TRPM4: variants seen among roughly 807,000 people sequenced by gnomAD.
TRPM4 encodes the protein calcium-activated non-selective cation channel 1.
A neutral mutation model predicts 135.6 loss-of-function variants in TRPM4; 124 were observed. That is an observed-to-expected ratio of 0.91 (90% CI 0.79 to 1.06). TRPM4 has a LOEUF of 1.06. Ranked by LOEUF, TRPM4 falls within the 50% of genes least tolerant of loss-of-function variation. TRPM4 has a pLI of 0.00. For missense variants in TRPM4, 1,658 were observed against 1,671.4 expected (o/e 0.99, Z 0.14); for synonymous variants, 745 against 705.6 (o/e 1.06, Z -0.88).
Position 49,171,318 on chromosome 19 carries a change from G to A in TRPM4, c.797-39G>A. 6.2e-7 allele frequency: 1 copy of A among 1,612,852 alleles called. No homozygotes were observed. The highest frequency in any genetic ancestry group is 8.5e-7 in the Non-Finnish European group (1 of 1,178,812). The stretch of plus-strand genomic sequence containing the variant: ...TTTTCTCCTATCTCCAGCAAAGGCT[G>A]ATGGGAGGTAATCAAGCCCCCTTCT... On this transcript the variant is annotated intron_variant, in intron 6 of 24. Coordinates refer to ENST00000252826, the MANE Select transcript of TRPM4 (RefSeq NM_017636.4). The surrounding 1 kb of genome is among the most constrained non-coding windows in gnomAD (Gnocchi z 4.7).
Position 49,188,781 on chromosome 19 carries a change from C to T in TRPM4, c.1873+11C>T, listed in dbSNP as rs1382348014. 3 of 1,613,882 alleles carry T rather than the reference C, an allele frequency of 1.9e-6. No homozygotes were observed. The highest frequency in any genetic ancestry group is 8.5e-7 in the Non-Finnish European group (1 of 1,179,898). ...AGGGGATGGGCGTTGGTGCGTGGGG[C>T]ACGGTGCCTGGGAGCAGGGACGGGG... On this transcript the variant is annotated intron_variant, in intron 13 of 24. Coordinates refer to ENST00000252826, the MANE Select transcript of TRPM4 (RefSeq NM_017636.4).
chr19:49,189,163 G>A (rs1968316218), intron 14 of TRPM4, 72 bp downstream of exon 14: 2 of 1,598,812 alleles, frequency 1.3e-6, no homozygotes, highest in Admixed American at 3.4e-5. Flanking sequence ...ATGAGCCCCT[G>A]CCATTGGGAA....
At chr19:49,165,120 G>T (rs1399564101) in intron 2 of TRPM4, among the ~76,000 whole-genome samples, 1 of 152,068 alleles carries the variant, frequency 6.6e-6, no homozygotes, top group African/African-American at 2.4e-5. Flanking sequence ...GAAAGCAAGA[G>T]AGACTTGTGC....
chr19:49,201,875 A>T, intron 19 of TRPM4, 89 bp from the exon 20 acceptor site: 1 of 1,394,718 alleles, frequency 7.2e-7, no homozygotes, highest in Non-Finnish European at 1.0e-6. Flanking sequence ...TGCTGGGATT[A>T]CAGGCGTGAG....
At position 49,210,141 on chromosome 19, in the gene TRPM4, T is replaced by G. The variant is rs1375498313; in HGVS notation, c.3132-68T>G. Reference sequence around the variant, plus strand: ...TAGACTGAACAATTATTGCCTGGCATCTAACCTTCGTCCTTGCCCCTGGCT... The same window carrying G: ...TAGACTGAACAATTATTGCCTGGCAGCTAACCTTCGTCCTTGCCCCTGGCT... On this transcript the variant is annotated intron_variant, in intron 20 of 24. Coordinates refer to ENST00000252826, the MANE Select transcript of TRPM4 (RefSeq NM_017636.4). The surrounding 1 kb of genome is among the most constrained non-coding windows in gnomAD (Gnocchi z 4.1). 1 of 1,498,950 alleles carries G rather than the reference T, an allele frequency of 6.7e-7. No individual in the cohort carries two copies. Among genetic ancestry groups the G allele is most frequent in the East Asian group, 2.3e-5 (1 of 44,356 alleles). The allele number at this position is 1,498,950 out of a possible 1,614,324, so 92.9% of individuals were successfully genotyped here. A position where few individuals can be genotyped will look rare whatever the true frequency, so the allele number is the denominator to read the frequency against.
chr19:49,188,607 C>T, intron 12 of TRPM4, 34 bp from the exon 13 acceptor site: 3 of 1,614,164 alleles, frequency 1.9e-6, no homozygotes, highest in Non-Finnish European at 2.5e-6. Flanking sequence ...TATGAACCCT[C>T]TTTGACGCAT....
chr19:49,188,648 A>G lies in TRPM4; in HGVS notation c.1751A>G (p.Asn584Ser), dbSNP rs763041320. 8 of 1,613,934 alleles carry G rather than the reference A, an allele frequency of 5.0e-6. No homozygotes were observed. In the Admixed American group the frequency reaches 5.0e-5, roughly 10 times the overall value. ...CCCTCTTTGTCTCTCCAGGGTTCCAATGCAGTTTCCTCAGCTCTTGGGGCC... is the reference window on the plus strand; with the variant it reads ...CCCTCTTTGTCTCTCCAGGGTTCCAGTGCAGTTTCCTCAGCTCTTGGGGCC... The part of the protein sequence containing the change: ...MAMYFWEMGS[N>S]AVSSALGACL... The change falls in exon 13 of 25, where the codon AAT (asparagine) becomes AGT (serine). Residue 584 changes from asparagine to serine, a missense_variant. By Grantham distance (46) the Asn-to-Ser change is conservative. Transcript: ENST00000252826.
Position 49,166,164 on chromosome 19 carries a change from C to A in TRPM4, c.216C>A (p.Thr72=). 2 of 1,608,974 alleles carry A rather than the reference C, an allele frequency of 1.2e-6. No individual in the cohort carries two copies. Among genetic ancestry groups the A allele is most frequent in the Non-Finnish European group, 1.7e-6 (2 of 1,178,486 alleles). The change falls in exon 3 of 25, where the codon ACC becomes ACA. Residue 72 remains threonine, a synonymous_variant. Coordinates refer to ENST00000252826, the MANE Select transcript of TRPM4 (RefSeq NM_017636.4). ...ATGCACACACCACGGAGAAGCCCAC[C>A]GATGCCTACGGAGAGCTGGACTTCA... ...DSDAHTTEKP[T]DAYGELDFTG... is the part of the protein sequence containing the mutation.
chr19:49,166,932 CT>C (rs1967214628), intron 3 of TRPM4, among the ~76,000 whole-genome samples: 1 of 150,258 alleles, frequency 6.7e-6, no homozygotes, highest in Non-Finnish European at 1.5e-5. Flanking sequence ...GTCTCCGTCC[CT>C]GTCTCTCCGG....
intron 16 of TRPM4, among the ~76,000 whole-genome samples, chr19:49,193,682 G>A (rs1051958251): frequency 1.3e-5 from 2 of 152,026 alleles, no homozygotes; most frequent in African/African-American, 4.8e-5. Context: ...GGCAGATGTG[G>A]GGGAAGCTTT....
chr19:49,174,444 C>A (rs1467677823), intron 9 of TRPM4, among the ~76,000 whole-genome samples: 1 of 151,624 alleles, frequency 6.6e-6, no homozygotes, highest in Non-Finnish European at 1.5e-5. Flanking sequence ...AGCCACTGCA[C>A]CTGGCCAGAG....
chr19:49,175,306 C>T (rs1183602569), intron 9 of TRPM4, among the ~76,000 whole-genome samples: 3 of 152,060 alleles, frequency 2.0e-5, no homozygotes, highest in Non-Finnish European at 2.9e-5. Flanking sequence ...AACTCCCGAC[C>T]TCGGGTGATC....
intron 2 of TRPM4, among the ~76,000 whole-genome samples, chr19:49,161,041 C>A (rs548217839): frequency 6.6e-6 from 1 of 151,794 alleles, no homozygotes; most frequent in East Asian, 1.9e-4. Flanking sequence ...TGGGAAATGT[C>A]GCTGAGTGCA....
At chr19:49,188,602 AC>A (rs1968282483) in intron 12 of TRPM4, 38 bp from the exon 13 acceptor site, 1 of 1,613,742 alleles carries the variant, frequency 6.2e-7, no homozygotes, top group Admixed American at 1.7e-5. Context: ...CCCTCTATGA[AC>A]CCTCTTTGAC....
At chr19:49,202,188 T>G (rs1568490939) in intron 20 of TRPM4, 47 bp downstream of exon 20, 2 of 1,605,648 alleles carry the variant, frequency 1.2e-6, no homozygotes, top group Non-Finnish European at 1.7e-6. Context: ...GCATGACCCG[T>G]GGCCCTCTCA....
In TRPM4 at chr19:49,193,130, G is replaced by C. The variant is rs138927889; in HGVS notation, c.2210+2357G>C. 3.4e-3 allele frequency among the ~76,000 whole-genome samples: 515 copies of C among 150,146 alleles called. 4 individuals are homozygous for C. Among genetic ancestry groups the C allele is most frequent in the Non-Finnish European group, 5.4e-3 (363 of 67,738 alleles). On this transcript the variant is annotated intron_variant, in intron 16 of 24. Transcript: ENST00000252826. ...GAGTCTTACTCTGTCGCCCAGGCTG[G>C]AGTGCAGTGGCATGATCTCGGCTCA...
chr19:49,188,730 G>A lies in TRPM4; in HGVS notation c.1833G>A (p.Arg611=), dbSNP rs763803942. 1.9e-6 allele frequency: 3 copies of A among 1,614,262 alleles called. No homozygotes were observed. In the South Asian group the frequency reaches 3.3e-5, roughly 18 times the overall value. The change falls in exon 13 of 25, where the codon CGG becomes CGA. Residue 611 remains arginine, a synonymous_variant. Coordinates refer to ENST00000252826, the MANE Select transcript of TRPM4 (RefSeq NM_017636.4). ...AGCCTGACGCTGAGGAGGCAGCACGGAGGAAAGACCTGGCGTTCAAGTTTG... is the reference window on the plus strand; with the variant it reads ...AGCCTGACGCTGAGGAGGCAGCACGAAGGAAAGACCTGGCGTTCAAGTTTG... ...RLEPDAEEAA[R]RKDLAFKFEG... is the part of the protein sequence containing the mutation.
intron 17 of TRPM4, among the ~76,000 whole-genome samples, chr19:49,197,308 T>TTTC (rs1555761621): frequency 5.7e-5 from 7 of 122,326 alleles, no homozygotes; most frequent in East Asian, 2.4e-4. Context: ...CTTTCTTTCT[T>TTTC]TTTCTTTCTT....
At chr19:49,198,541 G>A (rs974179021) in intron 17 of TRPM4, among the ~76,000 whole-genome samples, 1 of 151,552 alleles carries the variant, frequency 6.6e-6, no homozygotes, top group Non-Finnish European at 1.5e-5. Context: ...CCAGCTACTC[G>A]GGAGGCTGAG....
Sources: gnomAD v4.1 joint callset for allele counts (sites outside exome capture counted in the v4.1 genomes callset) on GRCh38, gnomAD v4.1.1 for gene constraint, Gnocchi (gnomAD v3.1) non-coding constraint, MANE v1.5 for transcripts, NCBI Gene and HGNC (gene_info 2026-07-23, HGNC 2026-07-21) for gene names.